Variants in DPP4 observed in about 807,000 individuals in gnomAD.
DPP4 encodes ADCP-2.
Under a neutral mutation model 122.4 loss-of-function variants are expected in DPP4, and 93 were observed. That is an observed-to-expected ratio of 0.76 (90% CI 0.64 to 0.90). The LOEUF (loss-of-function observed/expected upper bound fraction) is 0.90, where lower values mean the gene tolerates loss of function less well. Among genes scored for constraint, DPP4 ranks in the 40% least tolerant of loss-of-function variants. The pLI is 0.00. For synonymous variants in DPP4, 321 were observed against 302.9 expected (o/e 1.06, Z -0.62); for missense variants, 914 against 907.3 (o/e 1.01, Z -0.09).
rs1684228502 is a variant in DPP4 at position 162,047,446 on chromosome 2, T to C, written c.150A>G (p.Lys50=). 5 of 1,590,138 alleles carry C rather than the reference T, an allele frequency of 3.1e-6. No homozygotes were observed. Among genetic ancestry groups the C allele is most frequent in the Non-Finnish European group, 4.3e-6 (5 of 1,163,516 alleles). ...RKTYTLTDYL[K]NTYRLKLYSL... The stretch of plus-strand genomic sequence containing the variant: ...AGTATAACTTCAGTCTATAAGTATT[T>C]TTTAAGTAATCAGTTAGAGTGTAAG... Residue 50 remains lysine, a synonymous_variant, in exon 3 of 26, where the codon AAA becomes AAG. Coordinates refer to ENST00000360534, the MANE Select transcript of DPP4 (RefSeq NM_001935.4).
intron 2 of DPP4, among the ~76,000 whole-genome samples, chr2:162,055,033 T>C (rs1352014639): frequency 3.9e-5 from 6 of 152,222 alleles, no homozygotes; most frequent in Admixed American, 3.9e-4. Context: ...GTCTTTCCTC[T>C]GAAGCACCTA....
At chr2:162,020,402 T>C (rs1683081586) in intron 13 of DPP4, 106 bp from the exon 14 acceptor site, 1 of 1,130,522 alleles carries the variant, frequency 8.8e-7, no homozygotes, top group South Asian at 1.5e-5. Flanking sequence ...CAAATAACCT[T>C]GGATTTTCTT....
intron 21 of DPP4, among the ~76,000 whole-genome samples, 190 bp from the exon 22 acceptor site, chr2:162,008,851 C>T (rs1372801128): frequency 1.3e-5 from 2 of 152,072 alleles, no homozygotes; most frequent in Non-Finnish European, 2.9e-5. Context: ...GAGCCCTGAT[C>T]CCTTTCTTGG....
intron 14 of DPP4, 38 bp from the exon 15 acceptor site, chr2:162,019,314 T>C (rs116618975): frequency 2.2e-6 from 3 of 1,387,558 alleles, no homozygotes; most frequent in South Asian, 1.3e-5. Flanking sequence ...ATTAATTATG[T>C]TTTTTAAGAA....
chr2:162,007,058 C>T (rs917728222), intron 22 of DPP4, among the ~76,000 whole-genome samples: 6 of 151,886 alleles, frequency 4.0e-5, no homozygotes, highest in Non-Finnish European at 7.4e-5. Flanking sequence ...ATATTGTCCT[C>T]CAAAATTACT....
chr2:162,032,817 T>A (rs1683603625), intron 10 of DPP4, among the ~76,000 whole-genome samples: 1 of 151,480 alleles, frequency 6.6e-6, no homozygotes, highest in Non-Finnish European at 1.5e-5. Flanking sequence ...TACAGGAAAA[T>A]AAACAAGGGG....
chr2:162,039,993 T>C (rs1028323827), intron 5 of DPP4, among the ~76,000 whole-genome samples: 2 of 152,054 alleles, frequency 1.3e-5, no homozygotes, highest in African/African-American at 2.4e-5. Context: ...ACTCCACAGA[T>C]GTTAAAAGAT....
intron 21 of DPP4, 142 bp downstream of exon 21, chr2:162,009,099 T>C: frequency 2.5e-6 from 2 of 810,966 alleles, no homozygotes; most frequent in Non-Finnish European, 4.1e-6. Flanking sequence ...TCAGTGGAGA[T>C]TCTGCAGAGT....
chr2:162,043,557 A>G (rs1684064949), intron 5 of DPP4, among the ~76,000 whole-genome samples: 1 of 152,226 alleles, frequency 6.6e-6, no homozygotes, highest in African/African-American at 2.4e-5. Flanking sequence ...CACCAGGGGA[A>G]TACACGCATT....
In DPP4 at chr2:162,035,217, A is replaced by T. The variant is rs372231467; in HGVS notation, c.721T>A (p.Tyr241Asn). 4.3e-6 allele frequency: 7 copies of T among 1,613,896 alleles called. No homozygotes were observed. In the Admixed American group the frequency reaches 5.0e-5, roughly 12 times the overall value. ...GGGTACTGCAGTGACTCATCAGAGT[A>T]GAAGGAGTATTCAATAAGTGGGACT... ...TEVPLIEYSF[Y>N]SDESLQYPKT... is the part of the protein sequence containing the mutation. The change falls in exon 9 of 26, where the codon TAC becomes AAC. Residue 241 changes from tyrosine (Y) to asparagine (N), a missense_variant. Coordinates refer to ENST00000360534, the MANE Select transcript of DPP4 (RefSeq NM_001935.4).
rs1685206517 is a variant in DPP4, at chr2:162,073,701, G to A, written c.7-215C>T. The A allele has an allele frequency of 2.0e-5, 13 of 659,096 alleles. No individual in the cohort carries two copies. In the East Asian group the frequency reaches 3.0e-4, roughly 15 times the overall value. 40.8% of individuals were successfully genotyped at this position (659,096 alleles called of 1,614,324 possible). On this transcript the variant is annotated intron_variant, in intron 1 of 25. Coordinates refer to ENST00000360534, the MANE Select transcript of DPP4 (RefSeq NM_001935.4). Reference sequence around the variant, plus strand: ...GAACTTGTGCCTTCAGAGCACATTAGCGTTGGTTTCTCTACCCCTGCCCGG... The same window carrying A: ...GAACTTGTGCCTTCAGAGCACATTAACGTTGGTTTCTCTACCCCTGCCCGG...
chr2:162,007,503 T>C (rs1701313034), intron 22 of DPP4, among the ~76,000 whole-genome samples: 1 of 152,156 alleles, frequency 6.6e-6, no homozygotes, highest in African/African-American at 2.4e-5. Context: ...CATCTTTGAA[T>C]AAAATTGTTT....
At chr2:162,001,228 G>A (rs1356925144) in intron 23 of DPP4, among the ~76,000 whole-genome samples, 3 of 152,176 alleles carry the variant, frequency 2.0e-5, no homozygotes, top group African/African-American at 4.8e-5. Flanking sequence ...AATTAAACCT[G>A]ATAACCCATG....
Position 162,008,347 on chromosome 2 carries a change from T to TA in DPP4, c.1987+214dup, listed in dbSNP as rs531037843. ...AAATTCGGAAAACAGAATTTGTTGA[T>TA]AAAAAATCAAACGTGTAATAAAATA... On this transcript the variant is annotated intron_variant, in intron 22 of 25. Coordinates refer to ENST00000360534, the MANE Select transcript of DPP4 (RefSeq NM_001935.4). Among the ~76,000 whole-genome samples, 289 of 152,176 alleles carry TA rather than the reference T, an allele frequency of 1.9e-3. 2 individuals are homozygous for TA. Among genetic ancestry groups the TA allele is most frequent in the Non-Finnish European group, 3.5e-3 (239 of 67,986 alleles).
At chr2:162,044,562 C>G (rs926140311) in intron 5 of DPP4, among the ~76,000 whole-genome samples, 1 of 151,948 alleles carries the variant, frequency 6.6e-6, no homozygotes, top group South Asian at 2.1e-4. Flanking sequence ...GGTGGGAATC[C>G]CCAGCTTTGT....
At position 162,006,329 on chromosome 2, in the gene DPP4, C is replaced by T. The variant is rs34902303; in HGVS notation, c.1988-520G>A. On this transcript the variant is annotated intron_variant, in intron 22 of 25. Transcript: ENST00000360534. ...ATGATCATCTATTTCCTTTTGGAGA[C>T]CCCTAACAATGTTCAATTACTAGTT... Among the ~76,000 whole-genome samples, 70 of 152,204 alleles carry T rather than the reference C, an allele frequency of 4.6e-4. No homozygotes were observed. The East Asian group carries it at 9.8e-3, about 21-fold the overall frequency.
At position 162,018,756 on chromosome 2, in the gene DPP4, C is replaced by T. The variant is rs1285035755; in HGVS notation, c.1393G>A (p.Ala465Thr). 1.2e-6 allele frequency: 2 copies of T among 1,613,978 alleles called. No individual in the cohort carries two copies. The highest frequency in any genetic ancestry group is 1.3e-5 in the African/African-American group (1 of 74,924). ...QYYSVSFSKEAKYYQLRCSGP... is the reference protein window; with the variant it reads ...QYYSVSFSKETKYYQLRCSGP... Reference sequence around the variant, plus strand: ...GAACATCTCAGCTGATAATACTTCGCCTCTTTACTGAATGACACAGAATAG... The same window carrying T: ...GAACATCTCAGCTGATAATACTTCGTCTCTTTACTGAATGACACAGAATAG... Residue 465 changes from alanine (A) to threonine (T), a missense_variant, in exon 16 of 26, where the codon GCG becomes ACG. Physicochemically the swap from Ala to Thr is moderately conservative, Grantham distance 58. Transcript: ENST00000360534.
chr2:162,057,409 C>T (rs1197453453), intron 2 of DPP4, among the ~76,000 whole-genome samples: 2 of 152,192 alleles, frequency 1.3e-5, no homozygotes, highest in African/African-American at 2.4e-5. Flanking sequence ...GCTATATTTC[C>T]AAGAAGCCTC....
intron 2 of DPP4, among the ~76,000 whole-genome samples, chr2:162,053,047 T>C (rs532687441): frequency 2.0e-5 from 3 of 152,150 alleles, no homozygotes; most frequent in African/African-American, 7.2e-5. Context: ...TATAGGAAAA[T>C]GTGAGAAGAG....
Sources: allele counts gnomAD v4.1 joint callset (sites outside exome capture counted in the v4.1 genomes callset), GRCh38; gene constraint gnomAD v4.1.1; transcripts MANE v1.5; gene names NCBI Gene and HGNC (gene_info 2026-07-23, HGNC 2026-07-21).